The following MOK variants were observed in gnomAD, a reference collection of about 807,000 sequenced individuals.
The protein encoded by MOK is MAPK/MAK/MRK overlapping kinase.
MOK carries 59 observed loss-of-function variants against 54.2 expected under a neutral mutation model. The observed-to-expected ratio is 1.09, with a 90% confidence interval of 0.88 to 1.35. The LOEUF (loss-of-function observed/expected upper bound fraction) is 1.35, where lower values mean the gene tolerates loss of function less well. Ranked by LOEUF, MOK falls within the 40% of genes most tolerant of loss-of-function variation. The pLI is 0.00. For synonymous variants in MOK, 210 were observed against 202.7 expected (o/e 1.04, Z -0.31); for missense variants, 517 against 526.2 (o/e 0.98, Z 0.17).
At chr14:102,233,481 T>C (rs1417417094) in intron 8 of MOK, 3 of 548,830 alleles carry the variant, frequency 5.5e-6, no homozygotes, top group Non-Finnish European at 9.8e-6. Flanking sequence ...TCTGTGATGC[T>C]CAAGGAAGAG....
rs188333262 is a variant in MOK, at chr14:102,274,440, G to A, written c.123-8528C>T. The stretch of plus-strand genomic sequence containing the variant: ...TGGCTAATTTTTGTTATTTTCAATC[G>A]AGATGGGGTTTCACCATGTTGTTCA... On this transcript the variant is annotated intron_variant, in intron 2 of 11. Coordinates refer to ENST00000361847, the MANE Select transcript of MOK (RefSeq NM_014226.3). 5.3e-5 allele frequency among the ~76,000 whole-genome samples: 8 copies of A among 151,486 alleles called. No individual in the cohort carries two copies. In the East Asian group the frequency reaches 1.2e-3, roughly 22 times the overall value.
At chr14:102,224,655 A>G (rs749521257), downstream of MOK, 2 of 456,066 alleles carry the variant, frequency 4.4e-6, no homozygotes, top group East Asian at 6.9e-5. Flanking sequence ...GCAGCCACGG[A>G]AAACTTCACA....
intron 7 of MOK, among the ~76,000 whole-genome samples, chr14:102,244,738 C>T (rs2065963484): frequency 6.6e-6 from 1 of 152,184 alleles, no homozygotes; most frequent in South Asian, 2.1e-4. Flanking sequence ...TTCTTCCCTT[C>T]TGTCAGACAT....
At chr14:102,214,888 C>CTGTTT in the MOK span, 1 of 981,704 alleles carries the variant, frequency 1.0e-6, no homozygotes, top group Non-Finnish European at 1.2e-6. Flanking sequence ...TTTTTTTTAG[C>CTGTTT]TGTTGCCTTG....
At chr14:102,248,442 C>A (rs1398058446) in intron 7 of MOK, among the ~76,000 whole-genome samples, 1 of 151,960 alleles carries the variant, frequency 6.6e-6, no homozygotes, top group Non-Finnish European at 1.5e-5. Context: ...CTAGTTGCTA[C>A]CACAAACATC....
At chr14:102,223,406 A>G (rs1430519150), downstream of MOK, 1 of 152,700 alleles carries the variant, frequency 6.5e-6, no homozygotes, top group Non-Finnish European at 1.5e-5. Flanking sequence ...GCACTTAAAA[A>G]TAGTTGAATG....
intron 4 of MOK, among the ~76,000 whole-genome samples, chr14:102,255,654 A>C (rs758082574): frequency 1.1e-4 from 17 of 152,058 alleles, no homozygotes; most frequent in Non-Finnish European, 2.2e-4. Flanking sequence ...CTGCCTAGCC[A>C]CTCTCCATAA....
At chr14:102,224,036 G>GTTTTTTTTTTTTTTTTTT (rs1184725386), downstream of MOK, among the ~76,000 whole-genome samples, 1 of 139,442 alleles carries the variant, frequency 7.2e-6, no homozygotes. Context: ...GTTTACCTGA[G>GTTTTTTTTTTTTTTTTTT]ATTTTTTTTT....
rs140087841 is a variant in MOK at position 102,271,038 on chromosome 14, A to G, written c.123-5126T>C. Among the ~76,000 whole-genome samples, 951 of 152,204 alleles carry G rather than the reference A, an allele frequency of 6.2e-3. 4 individuals are homozygous for G. The highest frequency in any genetic ancestry group is 0.022 in the African/African-American group (901 of 41,520). ...GAAACCCCATCTCTACTAAAAATAC[A>G]AAAATTAATGGTGGCAGGTGCCTGC... is the stretch of plus-strand genomic sequence containing the variant. On this transcript the variant is annotated intron_variant, in intron 2 of 11. Coordinates refer to ENST00000361847, the MANE Select transcript of MOK (RefSeq NM_014226.3).
rs1416644350 is a variant in MOK at position 102,229,627 on chromosome 14, G to A, written c.1012C>T (p.Pro338Ser). 1 of 1,613,764 alleles carries A rather than the reference G, an allele frequency of 6.2e-7. No individual in the cohort carries two copies. The highest frequency in any genetic ancestry group is 2.2e-5 in the East Asian group (1 of 44,872). Residue 338 changes from proline to serine, a missense_variant, in exon 11 of 12, where the codon CCC (proline) becomes TCC (serine). Coordinates refer to ENST00000361847, the MANE Select transcript of MOK (RefSeq NM_014226.3). ...KQSLKQEEDR[P>S]KRRGPAYVME... ...ACATAGGCCGGTCCTCGTCTCTTGG[G>A]ACGGTCCTCCTCTTGCTTTAGGGAC... is the stretch of plus-strand genomic sequence containing the variant.
intron 3 of MOK, among the ~76,000 whole-genome samples, chr14:102,265,058 T>C (rs2067789586): frequency 6.6e-6 from 1 of 152,212 alleles, no homozygotes; most frequent in South Asian, 2.1e-4. Context: ...ATAAGCCTTA[T>C]GGAAACTATT....
At chr14:102,269,454 A>T (rs887899973) in intron 2 of MOK, among the ~76,000 whole-genome samples, 1 of 144,280 alleles carries the variant, frequency 6.9e-6, no homozygotes, top group Non-Finnish European at 1.5e-5. Context: ...CAAAGTGATG[A>T]GCCACCACAA....
chr14:102,263,473 G>A (rs1255778661), intron 4 of MOK, 73 bp downstream of exon 4: 1 of 1,087,656 alleles, frequency 9.2e-7, no homozygotes, highest in Non-Finnish European at 1.3e-6. Flanking sequence ...ATGATGTTGA[G>A]AATAACTAAG....
chr14:102,215,449 G>A, the MOK span, among the ~76,000 whole-genome samples: 10 of 152,180 alleles, frequency 6.6e-5, no homozygotes, highest in Non-Finnish European at 1.5e-4. Flanking sequence ...GCGGCTGGTA[G>A]GCTGCTTGCT....
intron 1 of MOK, 124 bp from the exon 2 acceptor site, chr14:102,283,716 C>T (rs2069722892): frequency 1.7e-6 from 1 of 598,462 alleles, no homozygotes; most frequent in African/African-American, 1.9e-5. Context: ...ATTGTTTCTC[C>T]TATCTTTGTA....
intron 7 of MOK, among the ~76,000 whole-genome samples, chr14:102,234,535 C>T (rs1439057314): frequency 6.6e-6 from 1 of 152,146 alleles, no homozygotes; most frequent in Non-Finnish European, 1.5e-5. Flanking sequence ...GTTACCTCCT[C>T]TATTCCTGAC....
At chr14:102,222,808 A>G, downstream of MOK, 1 of 1,614,126 alleles carries the variant, frequency 6.2e-7, no homozygotes, top group Non-Finnish European at 8.5e-7. This position sits in a 1 kb window ranked among gnomAD's most constrained non-coding sequence, Gnocchi z 4.4. Flanking sequence ...TGCTGGATTA[A>G]TGTAGACTGC....
chr14:102,241,459 C>T (rs1336677083), intron 7 of MOK, among the ~76,000 whole-genome samples: 1 of 152,196 alleles, frequency 6.6e-6, no homozygotes, highest in Admixed American at 6.5e-5. Context: ...AAGGCTTAGC[C>T]AAGGTTAATG....
chr14:102,220,494 CAGGT>C (rs928029998), downstream of MOK, among the ~76,000 whole-genome samples: 4 of 152,192 alleles, frequency 2.6e-5, no homozygotes, highest in Non-Finnish European at 4.4e-5. The surrounding 1 kb of genome is among the most constrained non-coding windows in gnomAD (Gnocchi z 4.2). Context: ...GAGGCCAAGG[CAGGT>C]GGATCACGAG....
Sources: gnomAD v4.1 joint callset for allele counts (sites outside exome capture counted in the v4.1 genomes callset) on GRCh38, gnomAD v4.1.1 for gene constraint, Gnocchi (gnomAD v3.1) non-coding constraint, MANE v1.5 for transcripts, NCBI Gene and HGNC (gene_info 2026-07-23, HGNC 2026-07-21) for gene names.